The following CRYZ variants were observed in gnomAD, a reference collection of about 807,000 sequenced individuals.
CRYZ encodes the protein crystallin zeta.
A neutral mutation model predicts 34.1 loss-of-function variants in CRYZ; 35 were observed. The observed-to-expected ratio is 1.03, with a 90% CI of 0.78 to 1.36. The LOEUF (loss-of-function observed/expected upper bound fraction) is 1.36, where lower values mean the gene tolerates loss of function less well. CRYZ is among the 40% of genes most tolerant of loss of function. The pLI is 0.00. For synonymous variants in CRYZ, 137 were observed against 136.5 expected (o/e 1.00, Z -0.03); for missense variants, 403 against 391.8 (o/e 1.03, Z -0.24).
rs1646924684 is a variant in CRYZ at position 74,706,143 on chromosome 1, A to C, written c.*153T>G. The C allele has an allele frequency of 3.5e-6, 2 of 570,486 alleles. No homozygotes were observed. The highest frequency in any genetic ancestry group is 5.9e-6 in the Non-Finnish European group (2 of 340,408). 35.3% of individuals were successfully genotyped at this position (570,486 alleles called of 1,614,324 possible). A position where few individuals can be genotyped will look rare whatever the true frequency, so the allele number is the denominator to read the frequency against. ...TATTGCTAGCTATACAATAAATTTT[A>C]CTCTTCTGCTTCTGCTCTCTAAAGA... On this transcript the variant is annotated 3_prime_UTR_variant, in exon 9 of 9. Coordinates refer to ENST00000340866, the MANE Select transcript of CRYZ (RefSeq NM_001889.4).
intron 5 of CRYZ, among the ~76,000 whole-genome samples, chr1:74,712,692 C>T (rs72968192): frequency 0.042 from 6,330 of 152,210 alleles, 423 homozygotes; most frequent in African/African-American, 0.14. Context: ...ATGGGGTGGG[C>T]ACAATTAATT....
In CRYZ at chr1:74,723,125, G is replaced by C. The variant is rs754433180; in HGVS notation, c.257C>G (p.Ala86Gly). 60 of 1,610,452 alleles carry C rather than the reference G, an allele frequency of 3.7e-5. No homozygotes were observed. The highest frequency in any genetic ancestry group is 4.9e-5 in the Non-Finnish European group (58 of 1,179,172). The change falls in exon 3 of 9, where the codon GCT becomes GGT. Residue 86 changes from alanine to glycine, a missense_variant. Ala to Gly is a moderately conservative substitution (Grantham distance 60). Transcript: ENST00000340866. ...VIEAVGDNAS[A>G]FKKGDRVFTS... ...TAATTAAAAATGCAATACCTTGAAA[G>C]CAGATGCATTATCTCCAACAGCTTC... is the stretch of plus-strand genomic sequence containing the variant.
At position 74,721,048 on chromosome 1, in the gene CRYZ, A is replaced by C. The variant is rs550878870; in HGVS notation, c.265-1676T>G. Among the ~76,000 whole-genome samples the C allele has an allele frequency of 4.0e-4, 61 of 152,304 alleles. 1 individual carries two copies. The South Asian group carries it at 4.8e-3, about 12-fold the overall frequency. On this transcript the variant is annotated intron_variant, in intron 3 of 8. Coordinates refer to ENST00000340866, the MANE Select transcript of CRYZ (RefSeq NM_001889.4). ...TGAAGAACAGGACAAGATTTTGAAA[A>C]CTAGAATGGGGAAGAGTCATTACGG...
chr1:74,720,505 C>T (rs1395377518), intron 3 of CRYZ, among the ~76,000 whole-genome samples: 1 of 152,100 alleles, frequency 6.6e-6, no homozygotes, highest in Non-Finnish European at 1.5e-5. Flanking sequence ...TAACCACCTA[C>T]CTTAACTCCT....
intron 3 of CRYZ, among the ~76,000 whole-genome samples, chr1:74,722,581 T>C (rs1374848042): frequency 7.0e-6 from 1 of 143,526 alleles, no homozygotes; most frequent in Non-Finnish European, 1.5e-5. Context: ...TTACTATGAA[T>C]ATGTCTTTGG....
Position 74,710,211 on chromosome 1 carries a change from C to T in CRYZ, c.517G>A (p.Gly173Ser). 6.2e-7 allele frequency: 1 copy of T among 1,613,770 alleles called. No homozygotes were observed. The highest frequency in any genetic ancestry group is 8.5e-7 in the Non-Finnish European group (1 of 1,179,834). Residue 173 changes from glycine (G) to serine (S), a missense_variant, in exon 6 of 9, where the codon GGC becomes AGC. By Grantham distance (56) the Gly-to-Ser change is moderately conservative. Transcript: ENST00000340866. ...LAACQIARAY[G>S]LKILGTAGTE... is the part of the protein sequence containing the mutation. ...CCAGCAGTGCCCAAAATCTTTAAGC[C>T]ATAAGCTCTAGCAATTTGGCATGCT...
intron 3 of CRYZ, among the ~76,000 whole-genome samples, chr1:74,722,146 G>C (rs931048965): frequency 6.6e-6 from 1 of 152,056 alleles, no homozygotes; most frequent in African/African-American, 2.4e-5. Flanking sequence ...GAGAGCCCCA[G>C]ACAACACCAA....
At chr1:74,731,259 T>C (rs1431040368) in intron 1 of CRYZ, among the ~76,000 whole-genome samples, 1 of 152,058 alleles carries the variant, frequency 6.6e-6, no homozygotes, top group Non-Finnish European at 1.5e-5. Flanking sequence ...TAAACGAAAA[T>C]TAAAGGAATT....
chr1:74,726,701 G>A (rs1261353798), intron 1 of CRYZ, among the ~76,000 whole-genome samples: 1 of 152,064 alleles, frequency 6.6e-6, no homozygotes, highest in Non-Finnish European at 1.5e-5. Context: ...CTTTTCTATT[G>A]CATCTTCAGG....
At chr1:74,718,783 T>C (rs1557728052) in intron 4 of CRYZ, among the ~76,000 whole-genome samples, 3 of 152,196 alleles carry the variant, frequency 2.0e-5, no homozygotes, top group East Asian at 1.9e-4. Context: ...TAGTGTACTA[T>C]TAAATTGCTG....
chr1:74,723,323 C>T (rs1312107462), intron 2 of CRYZ, 53 bp from the exon 3 acceptor site: 1 of 1,567,820 alleles, frequency 6.4e-7, no homozygotes, highest in Admixed American at 1.8e-5. Context: ...ATTCATTTAA[C>T]TTTATGCTAG....
At chr1:74,722,578 G>A (rs1647180053) in intron 3 of CRYZ, among the ~76,000 whole-genome samples, 3 of 146,084 alleles carry the variant, frequency 2.1e-5, no homozygotes, top group African/African-American at 5.0e-5. Flanking sequence ...AGCTTACTAT[G>A]AATATGTCTT....
At chr1:74,727,661 A>AC (rs1198230706) in intron 1 of CRYZ, among the ~76,000 whole-genome samples, 72 of 149,710 alleles carry the variant, frequency 4.8e-4, no homozygotes, top group Non-Finnish European at 8.0e-4. Context: ...AAAAAAAAAA[A>AC]AAAAAACCCA....
At chr1:74,726,523 T>C (rs1415776177) in intron 1 of CRYZ, among the ~76,000 whole-genome samples, 7 of 152,166 alleles carry the variant, frequency 4.6e-5, no homozygotes, top group African/African-American at 2.4e-5. Context: ...AACCATTTTT[T>C]AACTCCTAGG....
chr1:74,711,858 C>A (rs978561903), intron 5 of CRYZ, among the ~76,000 whole-genome samples: 1 of 152,116 alleles, frequency 6.6e-6, no homozygotes, highest in African/African-American at 2.4e-5. Context: ...AGTATGGACT[C>A]AAAAGGGTTC....
intron 6 of CRYZ, 86 bp downstream of exon 6, chr1:74,710,012 G>T: frequency 9.1e-7 from 1 of 1,097,886 alleles, no homozygotes; most frequent in Non-Finnish European, 1.3e-6. Context: ...AGCTTTAAAG[G>T]AGTAGTTGGT....
chr1:74,712,341 C>T (rs935828339), intron 5 of CRYZ, among the ~76,000 whole-genome samples: 2 of 152,152 alleles, frequency 1.3e-5, no homozygotes, highest in Admixed American at 1.3e-4. Context: ...ACCCCTTCCC[C>T]AAGTTGTGAC....
intron 6 of CRYZ, chr1:74,708,283 A>C (rs1646956831): frequency 6.6e-6 from 1 of 152,080 alleles, no homozygotes; most frequent in Non-Finnish European, 1.5e-5. Context: ...AAGGATTTGG[A>C]TTGTGTGGGG....
intron 1 of CRYZ, among the ~76,000 whole-genome samples, chr1:74,726,329 C>A (rs1570017927): frequency 6.6e-6 from 1 of 152,208 alleles, no homozygotes. Flanking sequence ...AGTTCCCAAA[C>A]CTCAATTCTT....
Sources: allele counts gnomAD v4.1 joint callset (sites outside exome capture counted in the v4.1 genomes callset), GRCh38; gene constraint gnomAD v4.1.1; transcripts MANE v1.5; gene names NCBI Gene and HGNC (gene_info 2026-07-23, HGNC 2026-07-21).